Variants in SGPL1 observed in about 807,000 individuals in gnomAD.
SGPL1 encodes SP-lyase 1.
A neutral mutation model predicts 68.9 loss-of-function variants in SGPL1; 37 were observed. The observed-to-expected ratio is 0.54, with a 90% CI of 0.41 to 0.71. SGPL1 has a LOEUF of 0.71. SGPL1 is among the 30% of genes least tolerant of loss of function. The probability of loss-of-function intolerance (pLI) is 0.00; values close to 1 mark genes in which losing one functional copy is unlikely to be tolerated. For missense variants in SGPL1, 551 were observed against 704.6 expected, an observed-to-expected ratio of 0.78 and a Z score of 2.47; for synonymous variants, 236 against 248.5, an observed-to-expected ratio of 0.95 and a Z score of 0.47.
At chr10:70,862,669 AC>A (rs2131921530) in intron 7 of SGPL1, among the ~76,000 whole-genome samples, 1 of 152,212 alleles carries the variant, frequency 6.6e-6, no homozygotes, top group Admixed American at 6.5e-5. Flanking sequence ...ACCGGGAGGA[AC>A]GAACAACTCC....
chr10:70,850,348 A>G (rs1316498551), intron 3 of SGPL1, among the ~76,000 whole-genome samples: 7 of 152,170 alleles, frequency 4.6e-5, no homozygotes, highest in Admixed American at 1.3e-4. Flanking sequence ...TTGTAGGTCC[A>G]GAAAATGTTA....
intron 3 of SGPL1, among the ~76,000 whole-genome samples, chr10:70,847,252 A>G (rs1031244332): frequency 2.6e-5 from 4 of 152,142 alleles, no homozygotes; most frequent in South Asian, 2.1e-4. Flanking sequence ...GGTTCAAGCA[A>G]TTCTCCCTGC....
Position 70,876,520 on chromosome 10 carries a change from T to C in SGPL1, c.1446-21T>C, listed in dbSNP as rs1327163563. The C allele has an allele frequency of 3.1e-6, 5 of 1,600,194 alleles. 1 individual carries two copies. Among genetic ancestry groups the C allele is most frequent in the Admixed American group, 1.8e-5 (1 of 56,576 alleles). The stretch of plus-strand genomic sequence containing the variant: ...TTTTTCTTTCTTCAAGGTTCATCTC[T>C]CTCTGTCTCTTCTTTCCTAGTATTC... On this transcript the variant is annotated intron_variant, in intron 13 of 14. Transcript: ENST00000373202.
At chr10:70,870,521 A>G (rs1423678846) in intron 9 of SGPL1, among the ~76,000 whole-genome samples, 2 of 143,656 alleles carry the variant, frequency 1.4e-5, no homozygotes, top group Non-Finnish European at 3.1e-5. Context: ...AAAAAAAAAA[A>G]GACTCTCACT....
At chr10:70,817,310 C>T (rs890046917) in intron 2 of SGPL1, among the ~76,000 whole-genome samples, 1 of 152,206 alleles carries the variant, frequency 6.6e-6, no homozygotes, top group African/African-American at 2.4e-5. Flanking sequence ...TGAGCCACCG[C>T]GCCTGGCCAA....
intron 2 of SGPL1, among the ~76,000 whole-genome samples, chr10:70,833,668 G>C (rs189286764): frequency 6.6e-6 from 1 of 151,980 alleles, no homozygotes; most frequent in African/African-American, 2.4e-5. Context: ...TTTTTTGGTG[G>C]GGGGGCAGAA....
chr10:70,857,731 C>T, intron 6 of SGPL1, 41 bp downstream of exon 6: 2 of 1,366,836 alleles, frequency 1.5e-6, no homozygotes. Context: ...GAGGTCTGTG[C>T]CAGTTTACAT....
At chr10:70,823,693 A>G (rs1041094523) in intron 2 of SGPL1, among the ~76,000 whole-genome samples, 112 of 149,250 alleles carry the variant, frequency 7.5e-4, no homozygotes, top group South Asian at 1.5e-3. Flanking sequence ...ATATATATAG[A>G]TATATAGATA....
chr10:70,843,263 G>GTT (rs1319049640), intron 2 of SGPL1, among the ~76,000 whole-genome samples: 1 of 152,062 alleles, frequency 6.6e-6, no homozygotes, highest in East Asian at 1.9e-4. Flanking sequence ...GTGCCTGTGT[G>GTT]TGTGTGTGTG....
chr10:70,862,668 A>C (rs1466352438), intron 7 of SGPL1, among the ~76,000 whole-genome samples: 1 of 151,906 alleles, frequency 6.6e-6, no homozygotes, highest in Non-Finnish European at 1.5e-5. Context: ...CACCGGGAGG[A>C]ACGAACAACT....
intron 4 of SGPL1, among the ~76,000 whole-genome samples, chr10:70,853,594 T>C (rs544266615): frequency 4.6e-5 from 7 of 152,358 alleles, no homozygotes; most frequent in Middle Eastern, 3.4e-3. Context: ...TTTTTTTTCC[T>C]GTGTGCTCCA....
intron 12 of SGPL1, among the ~76,000 whole-genome samples, chr10:70,874,447 G>A (rs1229287595): frequency 1.3e-5 from 2 of 152,152 alleles, no homozygotes; most frequent in African/African-American, 4.8e-5. Flanking sequence ...CCATGAGGCC[G>A]GGCGCGGTGA....
intron 4 of SGPL1, among the ~76,000 whole-genome samples, chr10:70,852,299 G>A (rs1398540483): frequency 2.0e-5 from 3 of 152,206 alleles, no homozygotes; most frequent in Admixed American, 1.3e-4. Context: ...AACTCTCCCA[G>A]AGATAGGTAT....
intron 7 of SGPL1, among the ~76,000 whole-genome samples, chr10:70,863,298 T>TC (rs199610765): frequency 1.3e-5 from 2 of 149,958 alleles, no homozygotes; most frequent in African/African-American, 4.9e-5. Flanking sequence ...TCTTTTTTTT[T>TC]TTTTTTTTTT....
intron 2 of SGPL1, among the ~76,000 whole-genome samples, chr10:70,834,247 A>G (rs1010870232): frequency 1.3e-5 from 2 of 152,166 alleles, no homozygotes; most frequent in African/African-American, 4.8e-5. Context: ...TGGGTGGGGT[A>G]TTCTGACCCA....
At chr10:70,837,678 G>A (rs776019193) in intron 2 of SGPL1, among the ~76,000 whole-genome samples, 1 of 152,196 alleles carries the variant, frequency 6.6e-6, no homozygotes, top group African/African-American at 2.4e-5. Context: ...GGTTGGCATG[G>A]TAGATAGCTC....
intron 14 of SGPL1, 70 bp from the exon 15 acceptor site, chr10:70,877,125 C>T (rs1846404111): frequency 1.3e-6 from 2 of 1,503,844 alleles, no homozygotes; most frequent in East Asian, 2.3e-5. Context: ...AGAAGGGGCT[C>T]ATTGCTGCAG....
chr10:70,862,314 T>C (rs1366412655), intron 7 of SGPL1, among the ~76,000 whole-genome samples: 2 of 152,158 alleles, frequency 1.3e-5, no homozygotes, highest in Non-Finnish European at 1.5e-5. Context: ...AGAACCTTTG[T>C]GTGGATACTC....
chr10:70,838,381 A>G (rs749672222), intron 2 of SGPL1, among the ~76,000 whole-genome samples: 1 of 152,144 alleles, frequency 6.6e-6, no homozygotes, highest in Non-Finnish European at 1.5e-5. Context: ...TACTATTGGA[A>G]GTTTGCTTAT....
Sources: gnomAD v4.1 joint callset for allele counts (sites outside exome capture counted in the v4.1 genomes callset) on GRCh38, gnomAD v4.1.1 for gene constraint, MANE v1.5 for transcripts, NCBI Gene and HGNC (gene_info 2026-07-23, HGNC 2026-07-21) for gene names.